Variants in ATF7IP observed in about 807,000 individuals in gnomAD.
ATF7IP encodes the protein activating transcription factor 7 interacting protein, also known as activating transcription factor 7-interacting protein 1.
ATF7IP carries 23 observed loss-of-function variants against 106.4 expected under a neutral mutation model. The observed-to-expected ratio is 0.22, with a 90% CI of 0.16 to 0.31. The LOEUF (loss-of-function observed/expected upper bound fraction) is 0.31, where lower values mean the gene tolerates loss of function less well. Ranked by LOEUF, ATF7IP falls within the 10% of genes least tolerant of loss-of-function variation. The pLI is 1.00. For synonymous variants in ATF7IP, 542 were observed against 539.0 expected (o/e 1.01, Z -0.08); for missense variants, 1,334 against 1,524.3 (o/e 0.88, Z 2.08).
Position 14,425,450 on chromosome 12 carries a change from C to T in ATF7IP, c.1535C>T (p.Ser512Leu), listed in dbSNP as rs374561365. The change falls in exon 2 of 15, where the codon TCG becomes TTG. Residue 512 changes from serine (S) to leucine (L), a missense_variant. Coordinates refer to ENST00000261168, the MANE Select transcript of ATF7IP (RefSeq NM_018179.5). ...SGEKDESEVISQNETCSPAEV... is the reference protein window; with the variant it reads ...SGEKDESEVILQNETCSPAEV... ...GAAAAAGATGAGTCTGAAGTTATATCGCAAAATGAAACGTGCTCTCCAGGT... is the reference window on the plus strand; with the variant it reads ...GAAAAAGATGAGTCTGAAGTTATATTGCAAAATGAAACGTGCTCTCCAGGT... 235 of 1,557,444 alleles carry T rather than the reference C, an allele frequency of 1.5e-4. No homozygotes were observed. Among genetic ancestry groups the T allele is most frequent in the Non-Finnish European group, 1.9e-4 (221 of 1,156,080 alleles).
chr12:14,391,078 G>A (rs1300968561), intron 1 of ATF7IP, among the ~76,000 whole-genome samples: 1 of 152,190 alleles, frequency 6.6e-6, no homozygotes, highest in Non-Finnish European at 1.5e-5. Flanking sequence ...AAAAGAGAAA[G>A]TGATTTGAGA....
intron 13 of ATF7IP, among the ~76,000 whole-genome samples, chr12:14,492,761 A>T (rs1944870471): frequency 6.6e-6 from 1 of 152,066 alleles, no homozygotes. Flanking sequence ...GAGTGCCACC[A>T]CTTGGCCCCT....
Position 14,424,637 on chromosome 12 carries a change from C to A in ATF7IP, c.722C>A (p.Ser241Tyr). 6.2e-7 allele frequency: 1 copy of A among 1,614,152 alleles called. No homozygotes were observed. Among genetic ancestry groups the A allele is most frequent in the South Asian group, 1.1e-5 (1 of 91,080 alleles). Residue 241 changes from serine to tyrosine, a missense_variant, in exon 2 of 15, where the codon TCT (serine) becomes TAT (tyrosine). By Grantham distance (144) the Ser-to-Tyr change is moderately radical. This residue lies in a region of ATF7IP where 438 missense variants were observed against 405.3 expected (regional missense o/e 1.08). Coordinates refer to ENST00000261168, the MANE Select transcript of ATF7IP (RefSeq NM_018179.5). ...GAAATAACTTCTGTTGATCTGGCTT[C>A]TGGAGCACCAGCTTCCACTGATCCA... Reference protein sequence around the residue: ...SSEITSVDLASGAPASTDPAS... With the variant: ...SSEITSVDLAYGAPASTDPAS...
intron 1 of ATF7IP, among the ~76,000 whole-genome samples, chr12:14,386,647 CTTATT>C (rs1482366304): frequency 6.6e-6 from 1 of 152,020 alleles, no homozygotes; most frequent in Admixed American, 6.6e-5. Flanking sequence ...TTGTTATGTA[CTTATT>C]TTATATTGTA....
chr12:14,493,982 A>G (rs1048960110), intron 13 of ATF7IP, among the ~76,000 whole-genome samples: 3 of 152,058 alleles, frequency 2.0e-5, no homozygotes, highest in Admixed American at 6.6e-5. Flanking sequence ...TTCTCCACAT[A>G]TGGTCCAAGG....
At chr12:14,488,128 C>T (rs1228841596) in intron 13 of ATF7IP, among the ~76,000 whole-genome samples, 4 of 151,896 alleles carry the variant, frequency 2.6e-5, no homozygotes, top group Admixed American at 2.0e-4. Flanking sequence ...TCTTCTAGAC[C>T]CCCAATCCTG....
intron 1 of ATF7IP, among the ~76,000 whole-genome samples, chr12:14,403,298 A>G (rs1237531972): frequency 2.0e-5 from 3 of 152,186 alleles, no homozygotes; most frequent in Non-Finnish European, 4.4e-5. Context: ...AAAAATTATT[A>G]GAGGTGTTTA....
At chr12:14,382,607 CT>C (rs1417721252) in intron 1 of ATF7IP, among the ~76,000 whole-genome samples, 1 of 152,150 alleles carries the variant, frequency 6.6e-6, no homozygotes, top group Non-Finnish European at 1.5e-5. Context: ...TAGTTGACTT[CT>C]TCCTAGAAAG....
chr12:14,389,217 G>T (rs1939412071), intron 1 of ATF7IP, among the ~76,000 whole-genome samples: 1 of 152,166 alleles, frequency 6.6e-6, no homozygotes, highest in Non-Finnish European at 1.5e-5. Flanking sequence ...TCAGAAGCAA[G>T]AAGTGCTAAG....
At position 14,375,040 on chromosome 12, in the gene ATF7IP, G is replaced by C. The variant is rs1591755717; in HGVS notation, c.-8+9213G>C. On this transcript the variant is annotated intron_variant, in intron 1 of 14. Coordinates refer to ENST00000261168, the MANE Select transcript of ATF7IP (RefSeq NM_018179.5). The stretch of plus-strand genomic sequence containing the variant: ...GATAAGACCACTATTAAAAGTGTAA[G>C]ATTGCTTTCCACCATGCCTTGCTTT... Among the ~76,000 whole-genome samples, 8 of 151,780 alleles carry C rather than the reference G, an allele frequency of 5.3e-5. 1 individual carries two copies. In the South Asian group the frequency reaches 1.7e-3, roughly 32 times the overall value.
At chr12:14,488,287 A>C (rs1944693604) in intron 13 of ATF7IP, among the ~76,000 whole-genome samples, 1 of 152,128 alleles carries the variant, frequency 6.6e-6, no homozygotes, top group Non-Finnish European at 1.5e-5. Context: ...ATGAAATATT[A>C]ACACGATCAC....
chr12:14,405,846 A>G (rs1263391147), intron 1 of ATF7IP, among the ~76,000 whole-genome samples: 3 of 152,162 alleles, frequency 2.0e-5, no homozygotes, highest in Non-Finnish European at 4.4e-5. Flanking sequence ...TTTAGTTGCT[A>G]TACTAATTGT....
At chr12:14,444,909 A>G (rs1020795442) in intron 5 of ATF7IP, among the ~76,000 whole-genome samples, 7 of 151,948 alleles carry the variant, frequency 4.6e-5, no homozygotes, top group Non-Finnish European at 7.4e-5. Context: ...TGTGACATAT[A>G]CAAGATGATT....
intron 10 of ATF7IP, among the ~76,000 whole-genome samples, chr12:14,469,636 A>G (rs1288246437): frequency 6.6e-6 from 1 of 152,156 alleles, no homozygotes; most frequent in African/African-American, 2.4e-5. Flanking sequence ...TAGTGTTGCT[A>G]TCTGTAATTG....
chr12:14,407,972 T>TTGCAGAAAAAAAG (rs1940693517), intron 1 of ATF7IP, among the ~76,000 whole-genome samples: 1 of 152,116 alleles, frequency 6.6e-6, no homozygotes, highest in Non-Finnish European at 1.5e-5. Context: ...ACTCATAAAC[T>TTGCAGAAAAAAAG]TGCAGAAAAA....
rs552267766 is a variant in ATF7IP at position 14,472,520 on chromosome 12, A to G, written c.2863-3370A>G. Among the ~76,000 whole-genome samples the G allele has an allele frequency of 2.6e-4, 39 of 152,230 alleles. No individual in the cohort carries two copies. The South Asian group carries it at 7.1e-3, about 28-fold the overall frequency. Reference sequence around the variant, plus strand: ...CCTATTTTCCCACCTGCACCCCACCAGTAACTTTTGTTGCCCTTTCTTTCC... The same window carrying G: ...CCTATTTTCCCACCTGCACCCCACCGGTAACTTTTGTTGCCCTTTCTTTCC... On this transcript the variant is annotated intron_variant, in intron 10 of 14. Coordinates refer to ENST00000261168, the MANE Select transcript of ATF7IP (RefSeq NM_018179.5).
At position 14,498,147 on chromosome 12, in the gene ATF7IP, C is replaced by T; in HGVS notation, c.*74C>T. On this transcript the variant is annotated 3_prime_UTR_variant, in exon 15 of 15. Coordinates refer to ENST00000261168, the MANE Select transcript of ATF7IP (RefSeq NM_018179.5). ...CTTGTTTTTAATCTTGTGCATGATA[C>T]CCCATGTAAAATCCACCTTGTGCAA... 1 of 1,385,924 alleles carries T rather than the reference C, an allele frequency of 7.2e-7. No homozygotes were observed. Among genetic ancestry groups the T allele is most frequent in the South Asian group, 1.4e-5 (1 of 71,150 alleles). 85.9% of individuals were successfully genotyped at this position (1,385,924 alleles called of 1,614,324 possible). A position where few individuals can be genotyped will look rare whatever the true frequency, so the allele number is the denominator to read the frequency against.
chr12:14,423,713 A>C, intron 1 of ATF7IP, 196 bp from the exon 2 acceptor site: 150 of 452,110 alleles, frequency 3.3e-4, no homozygotes, highest in Non-Finnish European at 5.1e-4. Flanking sequence ...CTAGTAGACT[A>C]TGGCCATTTT....
chr12:14,385,115 T>C (rs1939159773), intron 1 of ATF7IP: 1 of 359,058 alleles, frequency 2.8e-6, no homozygotes, highest in Non-Finnish European at 5.0e-6. Context: ...CCTTCTGTTT[T>C]CTTTTTCTGT....
Sources: allele counts gnomAD v4.1 joint callset (sites outside exome capture counted in the v4.1 genomes callset), GRCh38; gene constraint gnomAD v4.1.1; regional missense constraint gnomAD v4.1.1; transcripts MANE v1.5; gene names NCBI Gene and HGNC (gene_info 2026-07-23, HGNC 2026-07-21).